FGFR3: variants seen among roughly 807,000 people sequenced by gnomAD.
FGFR3 encodes the protein FGFR-3.
FGFR3 carries 25 observed loss-of-function variants against 82.9 expected under a neutral mutation model. The observed-to-expected ratio is 0.30, with a 90% CI of 0.22 to 0.42. FGFR3 has a LOEUF of 0.42. Among genes scored for constraint, FGFR3 ranks in the 10% least tolerant of loss-of-function variants. The probability of loss-of-function intolerance (pLI) is 1.00; values close to 1 mark genes in which losing one functional copy is unlikely to be tolerated. For synonymous variants in FGFR3, 620 were observed against 516.0 expected (o/e 1.20, Z -2.73); for missense variants, 1,026 against 1,161.0 (o/e 0.88, Z 1.69).
At chr4:1,797,782 C>A (rs184125090) in intron 2 of FGFR3, among the ~76,000 whole-genome samples, 2 of 152,152 alleles carry the variant, frequency 1.3e-5, no homozygotes, top group Non-Finnish European at 2.9e-5. Context: ...AGGGCTCCTT[C>A]GGATGCTTCA....
At chr4:1,801,301 G>A (rs1721139841) in intron 4 of FGFR3, 66 bp from the exon 5 acceptor site, 2 of 1,506,696 alleles carry the variant, frequency 1.3e-6, no homozygotes, top group Non-Finnish European at 1.8e-6. Context: ...CTCTGGGAAG[G>A]GGGTTGTTCA....
intron 4 of FGFR3, among the ~76,000 whole-genome samples, chr4:1,800,508 G>C (rs1225367225): frequency 6.6e-6 from 1 of 152,080 alleles, no homozygotes; most frequent in African/African-American, 2.4e-5. Flanking sequence ...AAGCAGGTGA[G>C]GAAGGGAGGC....
In FGFR3 at chr4:1,806,046, C is replaced by T. The variant is rs767365392; in HGVS notation, c.1837-5C>T. The T allele has an allele frequency of 1.9e-6, 3 of 1,613,312 alleles. No individual in the cohort carries two copies. The South Asian group carries it at 3.3e-5, about 18-fold the overall frequency. The stretch of plus-strand genomic sequence containing the variant: ...CTTCAGCCCTGCCTCCCACCCCTTC[C>T]CCAGTGCATCCACAGGGACCTGGCT... On this transcript the variant is annotated splice_region_variant and splice_polypyrimidine_tract_variant and intron_variant, in intron 13 of 17. Transcript: ENST00000440486.
chr4:1,803,278 G>A (rs538695311), intron 7 of FGFR3: 26 of 574,442 alleles, frequency 4.5e-5, no homozygotes, highest in South Asian at 1.1e-4. Context: ...GCACGCCTGC[G>A]ACCCCCACAG....
chr4:1,798,740 A>G (rs759769896), intron 2 of FGFR3, among the ~76,000 whole-genome samples: 12 of 151,986 alleles, frequency 7.9e-5, no homozygotes, highest in Non-Finnish European at 8.8e-5. Context: ...CCTGGGGTGA[A>G]TCTGCACCAC....
intron 2 of FGFR3, among the ~76,000 whole-genome samples, chr4:1,794,904 G>A (rs1016170272): frequency 4.0e-5 from 6 of 151,438 alleles, no homozygotes; most frequent in Non-Finnish European, 7.4e-5. Context: ...CGCCCCACCC[G>A]GGCCGAGGCC....
In FGFR3 at chr4:1,807,309, C is replaced by T. The variant is rs773982546; in HGVS notation, c.*47C>T. ...TGTGAGGGGTCCCTAGCAGCCCACCCTGCTGCTGGTGCACAGCCACTCCCC... is the reference window on the plus strand; with the variant it reads ...TGTGAGGGGTCCCTAGCAGCCCACCTTGCTGCTGGTGCACAGCCACTCCCC... On this transcript the variant is annotated 3_prime_UTR_variant, in exon 18 of 18. Transcript: ENST00000440486. 5.7e-5 allele frequency: 89 copies of T among 1,555,476 alleles called. 1 individual carries two copies. The South Asian group carries it at 7.0e-4, about 12-fold the overall frequency.
Position 1,803,774 on chromosome 4 carries a change from C to T in FGFR3, c.1013C>T (p.Thr338Ile). Residue 338 changes from threonine (T) to isoleucine (I), a missense_variant, in exon 8 of 18, where the codon ACC becomes ATC. Thr to Ile is a moderately conservative substitution (Grantham distance 89, BLOSUM62 -1). Around this residue, in one of 9 missense-constraint regions of FGFR3, gnomAD observed 256 missense variants for 217.6 expected, o/e 1.18. Coordinates refer to ENST00000440486, the MANE Select transcript of FGFR3 (RefSeq NM_000142.5). The part of the protein sequence containing the change: ...NVTFEDAGEY[T>I]CLAGNSIGFS... Reference sequence around the variant, plus strand: ...ACCTTTGAGGACGCCGGGGAGTACACCTGCCTGGCGGGCAATTCTATTGGG... The same window carrying T: ...ACCTTTGAGGACGCCGGGGAGTACATCTGCCTGGCGGGCAATTCTATTGGG... 4 of 1,614,096 alleles carry T rather than the reference C, an allele frequency of 2.5e-6. No individual in the cohort carries two copies. The highest frequency in any genetic ancestry group is 1.3e-5 in the African/African-American group (1 of 75,050).
chr4:1,803,155 C>T (rs1024820515), intron 7 of FGFR3: 4 of 1,357,162 alleles, frequency 2.9e-6, no homozygotes, highest in Middle Eastern at 2.4e-4. Context: ...CCCAGCCCTG[C>T]TCGCTCCCGC....
rs965538776 is a variant in FGFR3 at position 1,801,274 on chromosome 4, G to C, written c.446-93G>C. 7.3e-6 allele frequency: 10 copies of C among 1,375,910 alleles called. No homozygotes were observed. The Admixed American group carries it at 1.6e-4, about 22-fold the overall frequency. 85.2% of individuals were successfully genotyped at this position (1,375,910 alleles called of 1,614,324 possible). On this transcript the variant is annotated intron_variant, in intron 4 of 17. Coordinates refer to ENST00000440486, the MANE Select transcript of FGFR3 (RefSeq NM_000142.5). ...TACACAGGACGGGAAACTGAGGCTG[G>C]GGATGGGCAGGGGCAGCTCTGGGAA...
intron 2 of FGFR3, among the ~76,000 whole-genome samples, chr4:1,794,590 C>T (rs993790035): frequency 1.3e-5 from 2 of 152,146 alleles, no homozygotes; most frequent in Non-Finnish European, 2.9e-5. Flanking sequence ...GGGCGCTTCC[C>T]CGTGGGTGCG....
In FGFR3 at chr4:1,793,900, C is replaced by T. The variant is rs1188321551; in HGVS notation, c.-35C>T. 1 of 986,364 alleles carries T rather than the reference C, an allele frequency of 1.0e-6. No individual in the cohort carries two copies. Among genetic ancestry groups the T allele is most frequent in the Non-Finnish European group, 1.3e-6 (1 of 781,648 alleles). 61.1% of individuals were successfully genotyped at this position (986,364 alleles called of 1,614,324 possible). A position where few individuals can be genotyped will look rare whatever the true frequency, so the allele number is the denominator to read the frequency against. Reference sequence around the variant, plus strand: ...CCGTGGGGGGCAGCATGCCCGCGCGCGCTGCCTGAGGACGCCGCGGCCCCC... The same window carrying T: ...CCGTGGGGGGCAGCATGCCCGCGCGTGCTGCCTGAGGACGCCGCGGCCCCC... On this transcript the variant is annotated 5_prime_UTR_variant, in exon 2 of 18. Transcript: ENST00000440486.
In FGFR3 at chr4:1,801,350, C is replaced by T. The variant is rs376137178; in HGVS notation, c.446-17C>T. ...TCCCACTCGGGTCATGGCCTTCACACGCACCTCGGCCCGCAGGGGCCCCTT... is the reference window on the plus strand; with the variant it reads ...TCCCACTCGGGTCATGGCCTTCACATGCACCTCGGCCCGCAGGGGCCCCTT... On this transcript the variant is annotated splice_polypyrimidine_tract_variant and intron_variant, in intron 4 of 17. Transcript: ENST00000440486. 188 of 1,548,448 alleles carry T rather than the reference C, an allele frequency of 1.2e-4. No homozygotes were observed. The African/African-American group carries it at 2.1e-3, about 17-fold the overall frequency.
intron 3 of FGFR3, 98 bp from the exon 4 acceptor site, chr4:1,799,649 G>GTGCT: frequency 6.4e-7 from 1 of 1,566,086 alleles, no homozygotes. Flanking sequence ...CCCCCAGGAA[G>GTGCT]TGCTGCCCAA....
intron 2 of FGFR3, among the ~76,000 whole-genome samples, chr4:1,797,856 A>G (rs927871468): frequency 1.3e-5 from 2 of 152,080 alleles, no homozygotes; most frequent in Admixed American, 6.5e-5. Context: ...GTGTGGCTGG[A>G]TCAGGTGGGT....
intron 2 of FGFR3, among the ~76,000 whole-genome samples, chr4:1,795,406 C>T (rs895816651): frequency 1.3e-5 from 2 of 151,922 alleles, no homozygotes; most frequent in Non-Finnish European, 2.9e-5. Context: ...CCCCCAGTCG[C>T]TCCTGGAACG....
At chr4:1,802,915 C>A (rs774934127) in intron 7 of FGFR3, 2 of 1,594,864 alleles carry the variant, frequency 1.3e-6, no homozygotes, top group Non-Finnish European at 1.7e-6. Context: ...TCCCCGCAGT[C>A]CTGGATCAGT....
At chr4:1,803,040 C>G (rs766336805) in intron 7 of FGFR3, 1 of 1,599,702 alleles carries the variant, frequency 6.3e-7, no homozygotes, top group Non-Finnish European at 8.5e-7. Flanking sequence ...GGCCTTTTGG[C>G]TGAGCGTTCA....
chr4:1,798,782 C>T (rs1022194327), intron 2 of FGFR3, among the ~76,000 whole-genome samples: 1 of 152,182 alleles, frequency 6.6e-6, no homozygotes. Context: ...CTGGCACCCC[C>T]TCTGAGCTCC....
Sources: allele counts gnomAD v4.1 joint callset (sites outside exome capture counted in the v4.1 genomes callset), GRCh38; gene constraint gnomAD v4.1.1; regional missense constraint gnomAD v4.1.1; transcripts MANE v1.5; gene names NCBI Gene and HGNC (gene_info 2026-07-23, HGNC 2026-07-21).